NCKAP5: variants seen among roughly 807,000 people sequenced by gnomAD.
NCKAP5 encodes the protein NCK associated protein 5, also known as nck-associated protein 5.
Under a neutral mutation model 167.0 loss-of-function variants are expected in NCKAP5, and 92 were observed. The ratio of observed to expected loss-of-function variants is 0.55; its 90% confidence interval spans 0.47 to 0.66. NCKAP5 has a LOEUF of 0.66. Among genes scored for constraint, NCKAP5 ranks in the 30% least tolerant of loss-of-function variants. The pLI is 0.00. For synonymous variants in NCKAP5, 891 were observed against 877.4 expected (o/e 1.02, Z -0.27); for missense variants, 2,378 against 2,315.0 (o/e 1.03, Z -0.56).
At chr2:133,511,064 G>A (rs1683446679) in intron 3 of NCKAP5, among the ~76,000 whole-genome samples, 1 of 152,194 alleles carries the variant, frequency 6.6e-6, no homozygotes, top group Non-Finnish European at 1.5e-5. Flanking sequence ...TTCACTAAGT[G>A]AACATGCTGA....
the NCKAP5 span, among the ~76,000 whole-genome samples, chr2:133,593,835 T>C: frequency 6.6e-6 from 1 of 152,190 alleles, no homozygotes; most frequent in Non-Finnish European, 1.5e-5. Flanking sequence ...TGAGAATTAA[T>C]GACATAATGT....
At chr2:132,942,154 AAGG>A (rs1420441331) in intron 8 of NCKAP5, among the ~76,000 whole-genome samples, 2 of 152,364 alleles carry the variant, frequency 1.3e-5, no homozygotes, top group East Asian at 3.9e-4. Flanking sequence ...CAGAGCAGAA[AAGG>A]AGGTTTCTTA....
intron 4 of NCKAP5, among the ~76,000 whole-genome samples, chr2:133,251,298 C>A (rs1030198297): frequency 2.6e-5 from 4 of 152,126 alleles, no homozygotes; most frequent in Admixed American, 1.3e-4. Flanking sequence ...GGTCCTGGAA[C>A]CAATCCCCTG....
chr2:133,597,673 C>CAAAAAAAAAAAAAAAAAAAA, the NCKAP5 span, among the ~76,000 whole-genome samples: 8 of 61,106 alleles, frequency 1.3e-4, no homozygotes, highest in East Asian at 4.9e-4. Context: ...GACTCTGTCT[C>CAAAAAAAAAAAAAAAAAAAA]AAAAAAAAAA....
chr2:133,304,741 G>T (rs369830294), intron 3 of NCKAP5, among the ~76,000 whole-genome samples: 1 of 152,170 alleles, frequency 6.6e-6, no homozygotes, highest in South Asian at 2.1e-4. Flanking sequence ...TGTTAGATGC[G>T]AAGAGCTGTT....
chr2:133,500,066 T>C (rs912492528), intron 3 of NCKAP5, among the ~76,000 whole-genome samples: 1 of 152,062 alleles, frequency 6.6e-6, no homozygotes, highest in Non-Finnish European at 1.5e-5. Flanking sequence ...ATCTGAGTCA[T>C]CTTGAGGGGA....
At chr2:132,774,639 C>G (rs1046965650) in intron 15 of NCKAP5, among the ~76,000 whole-genome samples, 24 of 152,288 alleles carry the variant, frequency 1.6e-4, no homozygotes, top group Admixed American at 5.2e-4. Context: ...AAAGTTGGCA[C>G]AAATGCAGTA....
At chr2:132,916,103 T>C (rs1694854652) in intron 8 of NCKAP5, among the ~76,000 whole-genome samples, 1 of 151,912 alleles carries the variant, frequency 6.6e-6, no homozygotes. Context: ...CTCAGAGAAA[T>C]TGACTGCCAA....
intron 19 of NCKAP5, among the ~76,000 whole-genome samples, chr2:132,712,750 C>G (rs1055291114): frequency 2.6e-5 from 4 of 152,188 alleles, no homozygotes; most frequent in Admixed American, 6.5e-5. Flanking sequence ...TCAGTAAGCA[C>G]TTACCATGTG....
At chr2:133,643,516 C>T in the NCKAP5 span, among the ~76,000 whole-genome samples, 3 of 152,114 alleles carry the variant, frequency 2.0e-5, no homozygotes, top group African/African-American at 4.8e-5. Context: ...GACATCCAGG[C>T]TATATCTTCT....
intron 6 of NCKAP5, among the ~76,000 whole-genome samples, chr2:133,046,793 AAG>A (rs1399618699): frequency 6.6e-6 from 1 of 152,184 alleles, no homozygotes; most frequent in Non-Finnish European, 1.5e-5. Flanking sequence ...ATTTTAGAAA[AAG>A]AAAAAAGGAA....
intron 11 of NCKAP5, among the ~76,000 whole-genome samples, chr2:132,815,091 A>G (rs966811074): frequency 2.0e-5 from 3 of 152,234 alleles, no homozygotes; most frequent in Admixed American, 6.5e-5. Flanking sequence ...TCCTAAAATT[A>G]TTCCGTCTTC....
chr2:133,037,245 A>T (rs554443996), intron 6 of NCKAP5, among the ~76,000 whole-genome samples: 7 of 152,276 alleles, frequency 4.6e-5, no homozygotes, highest in African/African-American at 1.7e-4. Flanking sequence ...TACAGATTCA[A>T]TGCAATCCCT....
At chr2:133,582,390 G>A in the NCKAP5 span, among the ~76,000 whole-genome samples, 1 of 152,154 alleles carries the variant, frequency 6.6e-6, no homozygotes, top group Non-Finnish European at 1.5e-5. Context: ...GGAGTGTGAG[G>A]ATTGCTCTGG....
the NCKAP5 span, among the ~76,000 whole-genome samples, chr2:133,612,923 C>G: frequency 3.9e-5 from 6 of 152,100 alleles, no homozygotes; most frequent in African/African-American, 1.4e-4. Flanking sequence ...TGGTAAGTAG[C>G]AGGCATTGAG....
chr2:133,038,126 C>T (rs929236960), intron 6 of NCKAP5, among the ~76,000 whole-genome samples: 1 of 152,064 alleles, frequency 6.6e-6, no homozygotes, highest in South Asian at 2.1e-4. Context: ...GGTATACATC[C>T]AAAAGAAAGG....
intron 6 of NCKAP5, among the ~76,000 whole-genome samples, chr2:133,026,640 T>C (rs929545281): frequency 1.3e-5 from 2 of 152,186 alleles, no homozygotes; most frequent in Admixed American, 6.5e-5. Context: ...CCCAGGCATA[T>C]TTAGTCAAAG....
chr2:133,342,800 A>G (rs1379770649), intron 3 of NCKAP5, among the ~76,000 whole-genome samples: 2 of 152,130 alleles, frequency 1.3e-5, no homozygotes, highest in Non-Finnish European at 2.9e-5. Context: ...ATGTCTGAAA[A>G]CACAAGGGAC....
intron 3 of NCKAP5, among the ~76,000 whole-genome samples, chr2:133,441,820 A>C (rs984303987): frequency 1.3e-5 from 2 of 152,284 alleles, no homozygotes; most frequent in East Asian, 1.9e-4. Flanking sequence ...GCATTTCCTA[A>C]GCGAACTCTC....
Sources: allele counts gnomAD v4.1 joint callset (sites outside exome capture counted in the v4.1 genomes callset), GRCh38; gene constraint gnomAD v4.1.1; transcripts MANE v1.5; gene names NCBI Gene and HGNC (gene_info 2026-07-23, HGNC 2026-07-21).